Variants in PAK1 observed in about 807,000 individuals in gnomAD.
PAK1 encodes the protein serine/threonine-protein kinase PAK 1.
Under a neutral mutation model 67.4 loss-of-function variants are expected in PAK1, and 29 were observed. The observed-to-expected ratio is 0.43, with a 90% CI of 0.32 to 0.59. The LOEUF (loss-of-function observed/expected upper bound fraction) is 0.59. Ranked by LOEUF, PAK1 falls within the 20% of genes least tolerant of loss-of-function variation. The pLI is 0.07. For missense variants in PAK1, 337 were observed against 670.7 expected (o/e 0.50, Z 5.50); for synonymous variants, 223 against 237.4 (o/e 0.94, Z 0.56).
At chr11:77,363,559 A>G (rs1947090744) in intron 5 of PAK1, among the ~76,000 whole-genome samples, 1 of 152,186 alleles carries the variant, frequency 6.6e-6, no homozygotes, top group African/African-American at 2.4e-5. Context: ...CTTAGGCACC[A>G]TATTCTCTTA....
the PAK1 span, among the ~76,000 whole-genome samples, chr11:77,505,811 G>C: frequency 6.6e-6 from 1 of 152,166 alleles, no homozygotes; most frequent in African/African-American, 2.4e-5. Flanking sequence ...ATCTGTTGAT[G>C]GGGGCTTCTC....
intron 1 of PAK1, among the ~76,000 whole-genome samples, chr11:77,461,774 A>T (rs760770996): frequency 6.6e-6 from 1 of 152,248 alleles, no homozygotes; most frequent in Non-Finnish European, 1.5e-5. Flanking sequence ...TTTTAATGGA[A>T]CAAAGTCACA....
intron 1 of PAK1, among the ~76,000 whole-genome samples, chr11:77,405,204 CAA>C: frequency 6.6e-6 from 1 of 152,090 alleles, no homozygotes; most frequent in Non-Finnish European, 1.5e-5. Context: ...GTTGAGTAAA[CAA>C]AGAGAAATAT....
chr11:77,376,867 T>C (rs1949160998), intron 4 of PAK1, among the ~76,000 whole-genome samples: 1 of 152,180 alleles, frequency 6.6e-6, no homozygotes, highest in Admixed American at 6.5e-5. Context: ...ATTTCCATCA[T>C]GTATCAGCTG....
At chr11:77,392,288 T>C in intron 2 of PAK1, 43 bp downstream of exon 2, 3 of 1,358,556 alleles carry the variant, frequency 2.2e-6, no homozygotes, top group Non-Finnish European at 3.0e-6. Flanking sequence ...AAAATAATTT[T>C]TTTAAAGCAT....
chr11:77,340,719 GCCAAGTATTCCATAACAAC>G lies in PAK1; in HGVS notation c.1024_1042del (p.Val342LeufsTer5). ...CACCACATCTGTCAAGGAGCCTCCA[GCCAAGTATTCCATAACAAC>G]CCACAGCTCATCTCCCACGAGGTAA... On this transcript the variant is annotated frameshift_variant, in exon 11 of 15. Coordinates refer to ENST00000356341, the MANE Select transcript of PAK1 (RefSeq NM_002576.5). LOFTEE classifies it high-confidence loss of function. 6.2e-7 allele frequency: 1 copy of G among 1,610,370 alleles called. No individual in the cohort carries two copies. The highest frequency in any genetic ancestry group is 1.3e-5 in the African/African-American group (1 of 74,970).
chr11:77,339,088 A>AT (rs1285182837), intron 11 of PAK1, among the ~76,000 whole-genome samples: 1 of 152,168 alleles, frequency 6.6e-6, no homozygotes, highest in Admixed American at 6.6e-5. Flanking sequence ...CTCAATAAAG[A>AT]TTTTTTAAAA....
chr11:77,480,521 G>GTTTTT, the PAK1 span, among the ~76,000 whole-genome samples: 2 of 121,302 alleles, frequency 1.6e-5, no homozygotes, highest in African/African-American at 3.3e-5. Context: ...AACCACCATG[G>GTTTTT]TTTTTTTTTT....
At chr11:77,326,278 T>C (rs1030588136) in intron 14 of PAK1, among the ~76,000 whole-genome samples, 1 of 152,182 alleles carries the variant, frequency 6.6e-6, no homozygotes, top group African/African-American at 2.4e-5. Context: ...TGACTCCGGG[T>C]TTCCCCACAA....
At chr11:77,487,344 C>G in the PAK1 span, among the ~76,000 whole-genome samples, 1 of 152,084 alleles carries the variant, frequency 6.6e-6, no homozygotes, top group Non-Finnish European at 1.5e-5. Flanking sequence ...GTGAGAGATT[C>G]AGAGATGTGC....
Position 77,332,745 on chromosome 11 carries a change from A to G in PAK1, c.1536T>C (p.Ala512=), listed in dbSNP as rs142600861. ...LEMDVEKRGS[A]KELLQHQFLK... ...GGACAGTTACCTGTAGCAGCTCTTT[A>G]GCTGAACCTCTCTTCTCCACATCCA... The change falls in exon 14 of 15, where the codon GCT becomes GCC. Residue 512 remains alanine, a synonymous_variant. Transcript: ENST00000356341. The G allele has an allele frequency of 1.1e-3, 1,784 of 1,613,682 alleles. No individual in the cohort carries two copies. The highest frequency in any genetic ancestry group is 1.4e-3 in the Non-Finnish European group (1,649 of 1,179,754).
the PAK1 span, among the ~76,000 whole-genome samples, chr11:77,520,587 G>A: frequency 6.6e-6 from 1 of 152,138 alleles, no homozygotes; most frequent in Admixed American, 6.5e-5. Flanking sequence ...CCAATCCTAA[G>A]CCAACCAGTT....
chr11:77,520,008 C>CG, the PAK1 span, among the ~76,000 whole-genome samples: 20 of 152,074 alleles, frequency 1.3e-4, no homozygotes, highest in East Asian at 5.8e-4. Flanking sequence ...TGTGGCCCCC[C>CG]CCTCCGCCCG....
chr11:77,443,074 C>T (rs1193242406), intron 1 of PAK1, among the ~76,000 whole-genome samples: 1 of 152,090 alleles, frequency 6.6e-6, no homozygotes, highest in Non-Finnish European at 1.5e-5. Flanking sequence ...CCTGTAATCC[C>T]AGCACTTTGG....
At chr11:77,373,142 C>T (rs12270710) in intron 5 of PAK1, among the ~76,000 whole-genome samples, 6,620 of 152,170 alleles carry the variant, frequency 0.044, 514 homozygotes, top group African/African-American at 0.15. Context: ...GTCACTTATT[C>T]ACACCGGACT....
chr11:77,510,464 C>T, the PAK1 span, among the ~76,000 whole-genome samples: 3 of 152,174 alleles, frequency 2.0e-5, no homozygotes, highest in African/African-American at 7.2e-5. Context: ...CTCTTGATCT[C>T]ATGATTCCCC....
At chr11:77,519,385 C>A in the PAK1 span, among the ~76,000 whole-genome samples, 2 of 152,060 alleles carry the variant, frequency 1.3e-5, no homozygotes, top group South Asian at 4.1e-4. Context: ...AGTCTGTATC[C>A]CCTGTATTTC....
At chr11:77,408,530 A>AATACAC (rs56015509) in intron 1 of PAK1, among the ~76,000 whole-genome samples, 25,527 of 111,460 alleles carry the variant, frequency 0.23, 2,621 homozygotes, top group South Asian at 0.37. Context: ...ACTATGGAGA[A>AATACAC]ATACACACAC....
At chr11:77,398,516 A>G (rs1455257306) in intron 1 of PAK1, among the ~76,000 whole-genome samples, 2 of 152,146 alleles carry the variant, frequency 1.3e-5, no homozygotes, top group Non-Finnish European at 1.5e-5. Flanking sequence ...ACAGGATCTC[A>G]TTCTTTTTTG....
Sources: allele counts gnomAD v4.1 joint callset (sites outside exome capture counted in the v4.1 genomes callset), GRCh38; gene constraint gnomAD v4.1.1; transcripts MANE v1.5; gene names NCBI Gene and HGNC (gene_info 2026-07-23, HGNC 2026-07-21).